Variants in PTPRD observed in about 807,000 individuals in gnomAD.
PTPRD encodes the protein protein tyrosine phosphatase receptor type D.
Under a neutral mutation model 214.5 loss-of-function variants are expected in PTPRD, and 34 were observed. The observed-to-expected ratio is 0.16, with a 90% confidence interval of 0.12 to 0.21. PTPRD has a LOEUF of 0.21. Among genes scored for constraint, PTPRD ranks in the 10% least tolerant of loss-of-function variants. The pLI is 1.00. For missense variants in PTPRD, 2,545 were observed against 2,398.7 expected, an observed-to-expected ratio of 1.06 and a Z score of -1.27; for synonymous variants, 1,128 against 845.7, an observed-to-expected ratio of 1.33 and a Z score of -5.79.
chr9:9,496,123 G>A (rs2096175040), intron 8 of PTPRD, among the ~76,000 whole-genome samples: 1 of 152,106 alleles, frequency 6.6e-6, no homozygotes, highest in Non-Finnish European at 1.5e-5. Flanking sequence ...GAAAAATCCT[G>A]TCTCAATGTG....
intron 32 of PTPRD, among the ~76,000 whole-genome samples, chr9:8,461,706 G>C (rs541889944): frequency 1.9e-3 from 281 of 150,484 alleles, no homozygotes; most frequent in Non-Finnish European, 2.7e-3. Context: ...TTTTATCTCT[G>C]GCTCTCTCAA....
intron 10 of PTPRD, among the ~76,000 whole-genome samples, chr9:9,041,835 TCTC>T: frequency 6.6e-6 from 1 of 152,296 alleles, no homozygotes; most frequent in African/African-American, 2.4e-5. Flanking sequence ...TCCCAGCTAA[TCTC>T]CTACTCAACT....
intron 5 of PTPRD, among the ~76,000 whole-genome samples, chr9:9,927,672 A>C (rs1349432116): frequency 6.6e-6 from 1 of 152,140 alleles, no homozygotes; most frequent in Admixed American, 6.5e-5. Flanking sequence ...ATGATGGATA[A>C]ATTACAAGTA....
chr9:9,817,762 G>C (rs1404340144), intron 5 of PTPRD, among the ~76,000 whole-genome samples: 2 of 152,212 alleles, frequency 1.3e-5, no homozygotes, highest in Non-Finnish European at 2.9e-5. Flanking sequence ...AGGGTGCCTT[G>C]AAAGCACATC....
At chr9:9,837,754 A>AT (rs200428165) in intron 5 of PTPRD, among the ~76,000 whole-genome samples, 1,883 of 151,106 alleles carry the variant, frequency 0.012, 24 homozygotes, top group African/African-American at 0.043. Context: ...TCCTTGCTGC[A>AT]TTTTTTTATT....
chr9:9,793,055 T>C (rs185290198), intron 5 of PTPRD, among the ~76,000 whole-genome samples: 172 of 152,242 alleles, frequency 1.1e-3, no homozygotes, highest in Non-Finnish European at 6.0e-4. Context: ...AACTTCTGGA[T>C]ACTGTGTGTG....
At chr9:9,273,060 G>A (rs558053221) in intron 9 of PTPRD, among the ~76,000 whole-genome samples, 6 of 151,306 alleles carry the variant, frequency 4.0e-5, no homozygotes, top group Non-Finnish European at 8.9e-5. Context: ...AATAACAGTA[G>A]CAGTGGCAAA....
chr9:9,432,080 A>AATAATG (rs1555397789), intron 8 of PTPRD, among the ~76,000 whole-genome samples: 9 of 148,796 alleles, frequency 6.0e-5, no homozygotes, highest in African/African-American at 2.2e-4. Flanking sequence ...TAATAATAAT[A>AATAATG]ATAATAATAA....
chr9:9,917,658 C>G (rs532047183), intron 5 of PTPRD, among the ~76,000 whole-genome samples: 1 of 151,762 alleles, frequency 6.6e-6, no homozygotes, highest in East Asian at 1.9e-4. Context: ...AACTGCAAGC[C>G]AATAGCCTGA....
intron 5 of PTPRD, among the ~76,000 whole-genome samples, chr9:9,844,063 T>A (rs989203569): frequency 4.6e-5 from 7 of 151,992 alleles, no homozygotes; most frequent in African/African-American, 1.7e-4. Context: ...GTTCTTTGGG[T>A]ACTTTAATGA....
intron 10 of PTPRD, among the ~76,000 whole-genome samples, chr9:9,071,974 C>T (rs1472381192): frequency 3.3e-5 from 5 of 152,144 alleles, no homozygotes; most frequent in African/African-American, 1.2e-4. Flanking sequence ...TTGCTTCACA[C>T]ATCACACCCC....
chr9:10,569,932 C>T (rs895839691), intron 2 of PTPRD, among the ~76,000 whole-genome samples: 5 of 152,010 alleles, frequency 3.3e-5, no homozygotes, highest in Admixed American at 3.3e-4. Context: ...TACTCAATGT[C>T]TTGCTCTGAA....
At chr9:10,229,949 C>G (rs1050817999) in intron 3 of PTPRD, among the ~76,000 whole-genome samples, 1 of 151,946 alleles carries the variant, frequency 6.6e-6, no homozygotes, top group South Asian at 2.1e-4. Context: ...ACAATTATTA[C>G]ATGTATAATT....
intron 12 of PTPRD, among the ~76,000 whole-genome samples, chr9:8,691,729 T>C (rs992987355): frequency 3.3e-5 from 5 of 152,236 alleles, no homozygotes; most frequent in African/African-American, 4.8e-5. Flanking sequence ...TTAAAATACG[T>C]TGGTTATGAC....
chr9:8,833,905 T>G (rs1307160750), intron 11 of PTPRD, among the ~76,000 whole-genome samples: 1 of 131,258 alleles, frequency 7.6e-6, no homozygotes, highest in Non-Finnish European at 1.7e-5. Context: ...AACCAACTTA[T>G]GGATAAATGT....
intron 12 of PTPRD, among the ~76,000 whole-genome samples, chr9:8,696,784 T>C (rs956639267): frequency 2.6e-5 from 4 of 152,200 alleles, no homozygotes; most frequent in African/African-American, 4.8e-5. Context: ...CCAAGTTAAA[T>C]TGATACATTT....
At chr9:10,057,857 A>AC (rs2097687134) in intron 3 of PTPRD, among the ~76,000 whole-genome samples, 2 of 141,618 alleles carry the variant, frequency 1.4e-5, no homozygotes, top group African/African-American at 5.1e-5. Flanking sequence ...AAAACAAAAA[A>AC]AAAACAAAAA....
intron 11 of PTPRD, among the ~76,000 whole-genome samples, chr9:9,015,781 G>T (rs552233207): frequency 2.0e-5 from 3 of 152,104 alleles, no homozygotes; most frequent in South Asian, 4.2e-4. Flanking sequence ...AGCCTCAAAA[G>T]GACTGTTCAA....
chr9:8,923,073 G>T (rs559035987), intron 11 of PTPRD, among the ~76,000 whole-genome samples: 22 of 147,686 alleles, frequency 1.5e-4, no homozygotes, highest in Admixed American at 1.2e-3. Context: ...ACTGAGTCTC[G>T]CTCTGTCATC....
Sources: allele counts gnomAD v4.1 joint callset (sites outside exome capture counted in the v4.1 genomes callset), GRCh38; gene constraint gnomAD v4.1.1; transcripts MANE v1.5; gene names NCBI Gene and HGNC (gene_info 2026-07-23, HGNC 2026-07-21).